Variants in ZMAT4 observed in about 807,000 individuals in gnomAD.
The protein encoded by ZMAT4 is zinc finger matrin-type protein 4.
ZMAT4 carries 17 observed loss-of-function variants against 28.7 expected under a neutral mutation model. The observed-to-expected ratio is 0.59, with a 90% CI of 0.41 to 0.89. The LOEUF (loss-of-function observed/expected upper bound fraction) is 0.89, where lower values mean the gene tolerates loss of function less well. Ranked by LOEUF, ZMAT4 falls within the 40% of genes least tolerant of loss-of-function variation. ZMAT4 has a pLI of 0.00. For synonymous variants in ZMAT4, 117 were observed against 109.2 expected (o/e 1.07, Z -0.44); for missense variants, 240 against 283.8 (o/e 0.85, Z 1.11).
intron 5 of ZMAT4, among the ~76,000 whole-genome samples, chr8:40,615,660 G>A (rs544357983): frequency 2.3e-4 from 35 of 151,588 alleles, no homozygotes; most frequent in Middle Eastern, 3.4e-3. Context: ...TTCTCTTCTC[G>A]CTTCATTTCA....
chr8:40,835,925 A>C (rs1450323502), intron 1 of ZMAT4, among the ~76,000 whole-genome samples: 1 of 152,168 alleles, frequency 6.6e-6, no homozygotes, highest in Non-Finnish European at 1.5e-5. Context: ...TCCTAAACTC[A>C]GTGAAAATGT....
chr8:40,679,366 C>T (rs1809049833), intron 4 of ZMAT4, among the ~76,000 whole-genome samples: 1 of 152,110 alleles, frequency 6.6e-6, no homozygotes, highest in Admixed American at 6.6e-5. Context: ...AGTCTGTTCT[C>T]ACCCTACTAA....
At chr8:40,854,816 T>C (rs1294773845) in intron 1 of ZMAT4, among the ~76,000 whole-genome samples, 2 of 152,122 alleles carry the variant, frequency 1.3e-5, no homozygotes, top group Non-Finnish European at 2.9e-5. Context: ...GGTCAATTTC[T>C]GCATTTGGAA....
intron 5 of ZMAT4, among the ~76,000 whole-genome samples, chr8:40,641,039 G>C (rs1206214398): frequency 3.3e-5 from 5 of 151,400 alleles, no homozygotes; most frequent in Non-Finnish European, 7.4e-5. Flanking sequence ...GGGTTCACAG[G>C]ACTTGCATAA....
chr8:40,687,107 T>C (rs947408232), intron 4 of ZMAT4, among the ~76,000 whole-genome samples: 3 of 152,074 alleles, frequency 2.0e-5, no homozygotes, highest in African/African-American at 7.2e-5. Flanking sequence ...TTTTACAGAA[T>C]AATAGAAAGT....
intron 6 of ZMAT4, among the ~76,000 whole-genome samples, chr8:40,546,505 A>T (rs1206657397): frequency 6.6e-6 from 1 of 152,130 alleles, no homozygotes; most frequent in Admixed American, 6.5e-5. Context: ...AAAAACAGTC[A>T]CTCTGATTAA....
chr8:40,693,793 C>T (rs755731997), intron 4 of ZMAT4, among the ~76,000 whole-genome samples: 16 of 152,264 alleles, frequency 1.1e-4, no homozygotes, highest in Admixed American at 5.2e-4. Context: ...CTGGAGAAGG[C>T]GACTCAAGTT....
chr8:40,635,812 A>G (rs760369622), intron 5 of ZMAT4, among the ~76,000 whole-genome samples: 2 of 152,228 alleles, frequency 1.3e-5, no homozygotes, highest in Non-Finnish European at 2.9e-5. Flanking sequence ...AGGGTAAATG[A>G]CTAATAGACA....
intron 1 of ZMAT4, among the ~76,000 whole-genome samples, chr8:40,837,609 T>G (rs867698385): frequency 2.8e-4 from 43 of 152,156 alleles, no homozygotes; most frequent in Admixed American, 1.2e-3. Context: ...GGTCTGAGAG[T>G]CCAGAGACCA....
intron 2 of ZMAT4, among the ~76,000 whole-genome samples, chr8:40,794,532 G>A (rs1176804047): frequency 6.6e-6 from 1 of 152,182 alleles, no homozygotes; most frequent in South Asian, 2.1e-4. Flanking sequence ...GTTTACTTGG[G>A]CTTGGTGTTG....
chr8:40,885,278 C>T (rs62640283), intron 1 of ZMAT4, among the ~76,000 whole-genome samples: 8,221 of 152,254 alleles, frequency 0.054, 302 homozygotes, highest in Non-Finnish European at 0.081. Flanking sequence ...GAATCATCCT[C>T]GAACCCTCTA....
At chr8:40,613,151 C>CCTTT (rs1406742029) in intron 5 of ZMAT4, among the ~76,000 whole-genome samples, 28 of 137,348 alleles carry the variant, frequency 2.0e-4, no homozygotes, top group Admixed American at 3.1e-4. Context: ...TTTCACCTAC[C>CCTTT]CTTTCTTTCT....
At chr8:40,766,361 G>A (rs1355497246) in intron 3 of ZMAT4, among the ~76,000 whole-genome samples, 1 of 152,226 alleles carries the variant, frequency 6.6e-6, no homozygotes, top group East Asian at 1.9e-4. Flanking sequence ...GCAAGTCACA[G>A]TACGCCTCCT....
At chr8:40,554,073 A>C (rs1044278541) in intron 6 of ZMAT4, among the ~76,000 whole-genome samples, 1 of 152,164 alleles carries the variant, frequency 6.6e-6, no homozygotes, top group African/African-American at 2.4e-5. Context: ...ATATCATAGC[A>C]TATCAAAGTC....
chr8:40,884,334 T>A (rs1242575421), intron 1 of ZMAT4, among the ~76,000 whole-genome samples: 1 of 152,094 alleles, frequency 6.6e-6, no homozygotes, highest in Non-Finnish European at 1.5e-5. Context: ...CACTGGCCCA[T>A]TTCCATCCAA....
intron 6 of ZMAT4, among the ~76,000 whole-genome samples, chr8:40,556,371 C>A (rs778906804): frequency 6.6e-6 from 1 of 152,162 alleles, no homozygotes; most frequent in Non-Finnish European, 1.5e-5. Context: ...TTCTCTCAAA[C>A]GAGCATTTCC....
At chr8:40,813,841 T>C (rs1563502148) in intron 2 of ZMAT4, among the ~76,000 whole-genome samples, 1 of 152,228 alleles carries the variant, frequency 6.6e-6, no homozygotes, top group African/African-American at 2.4e-5. Flanking sequence ...TAGCCAGGCC[T>C]GTAGAGAGGC....
At chr8:40,610,115 C>A (rs1276798738) in intron 5 of ZMAT4, among the ~76,000 whole-genome samples, 1 of 152,160 alleles carries the variant, frequency 6.6e-6, no homozygotes, top group African/African-American at 2.4e-5. Flanking sequence ...TCTAATAATT[C>A]CAGTCTTTGA....
chr8:40,712,306 TTTATTAAAAACCAACCAAC>T (rs879745302), intron 3 of ZMAT4, among the ~76,000 whole-genome samples: 4 of 152,194 alleles, frequency 2.6e-5, no homozygotes, highest in Non-Finnish European at 5.9e-5. Flanking sequence ...AGCTACTGTT[TTTATTAAAAACCAACCAAC>T]CCAGAGTTGT....
Sources: gnomAD v4.1 joint callset for allele counts (sites outside exome capture counted in the v4.1 genomes callset) on GRCh38, gnomAD v4.1.1 for gene constraint, MANE v1.5 for transcripts, NCBI Gene and HGNC (gene_info 2026-07-23, HGNC 2026-07-21) for gene names.